Variants in ADK observed in about 807,000 individuals in gnomAD.
ADK encodes N6,N6-dimethyladenosine kinase.
A neutral mutation model predicts 44.7 loss-of-function variants in ADK; 24 were observed. The observed-to-expected ratio is 0.54, with a 90% confidence interval of 0.39 to 0.76. ADK has a LOEUF of 0.76. Ranked by LOEUF, ADK falls within the 30% of genes least tolerant of loss-of-function variation. The pLI is 0.00. For synonymous variants in ADK, 128 were observed against 142.6 expected, an observed-to-expected ratio of 0.90 and a Z score of 0.73; for missense variants, 321 against 425.1, an observed-to-expected ratio of 0.76 and a Z score of 2.15.
chr10:74,366,238 A>G (rs1842494468), intron 4 of ADK, among the ~76,000 whole-genome samples: 1 of 152,168 alleles, frequency 6.6e-6, no homozygotes, highest in Non-Finnish European at 1.5e-5. Context: ...TAGTTAAAAC[A>G]TAGTAAAGTA....
At chr10:74,403,633 A>G (rs989525329) in intron 6 of ADK, among the ~76,000 whole-genome samples, 5 of 152,080 alleles carry the variant, frequency 3.3e-5, no homozygotes, top group African/African-American at 4.8e-5. Flanking sequence ...CTGATTTTCC[A>G]GGTACCGTCT....
intron 4 of ADK, among the ~76,000 whole-genome samples, chr10:74,328,715 C>T (rs1033460681): frequency 6.6e-6 from 1 of 152,194 alleles, no homozygotes; most frequent in Admixed American, 6.5e-5. Flanking sequence ...AAGGTCTTTA[C>T]TTCCCCTTTG....
intron 9 of ADK, among the ~76,000 whole-genome samples, chr10:74,607,316 T>C (rs1852359121): frequency 6.6e-6 from 1 of 152,242 alleles, no homozygotes; most frequent in African/African-American, 2.4e-5. Context: ...ATGTGGTTTC[T>C]TCATAGTCTT....
At chr10:74,489,646 T>C (rs1847400744) in intron 6 of ADK, among the ~76,000 whole-genome samples, 1 of 151,988 alleles carries the variant, frequency 6.6e-6, no homozygotes, top group Non-Finnish European at 1.5e-5. Context: ...AATGCTGCTA[T>C]TATTGTTCCA....
In ADK at chr10:74,297,565, G is replaced by A. The variant is rs939973711; in HGVS notation, c.195-17102G>A. On this transcript the variant is annotated intron_variant, in intron 3 of 10. Coordinates refer to ENST00000539909, the MANE Select transcript of ADK (RefSeq NM_006721.4). Reference sequence around the variant, plus strand: ...TAATTTATTCATATGTTACCATAGGGCGAACTGAGCCCAAGTGAATAAGTG... The same window carrying A: ...TAATTTATTCATATGTTACCATAGGACGAACTGAGCCCAAGTGAATAAGTG... Among the ~76,000 whole-genome samples, 7 of 152,142 alleles carry A rather than the reference G, an allele frequency of 4.6e-5. 1 individual carries two copies. The highest frequency in any genetic ancestry group is 1.7e-4 in the African/African-American group (7 of 41,430).
chr10:74,402,381 C>T (rs1843745711), intron 6 of ADK, among the ~76,000 whole-genome samples: 1 of 152,152 alleles, frequency 6.6e-6, no homozygotes, highest in Non-Finnish European at 1.5e-5. Flanking sequence ...ATATACCAAT[C>T]AGATGTAGAT....
At chr10:74,360,621 A>G (rs531000947) in intron 4 of ADK, among the ~76,000 whole-genome samples, 4 of 152,082 alleles carry the variant, frequency 2.6e-5, no homozygotes, top group African/African-American at 9.6e-5. Flanking sequence ...GGGTACACCA[A>G]TGTTGGGTGC....
At chr10:74,432,975 C>G (rs1037105119) in intron 6 of ADK, among the ~76,000 whole-genome samples, 1 of 152,110 alleles carries the variant, frequency 6.6e-6, no homozygotes, top group Non-Finnish European at 1.5e-5. Flanking sequence ...CCTGAGATTT[C>G]CTTTCATGAA....
intron 7 of ADK, among the ~76,000 whole-genome samples, chr10:74,551,730 A>G (rs1354220390): frequency 6.6e-6 from 1 of 152,124 alleles, no homozygotes; most frequent in East Asian, 1.9e-4. Context: ...TTGAGGCCAT[A>G]TTTGTTCTCA....
intron 9 of ADK, among the ~76,000 whole-genome samples, chr10:74,604,520 C>T (rs1163224385): frequency 6.6e-6 from 1 of 152,082 alleles, no homozygotes; most frequent in African/African-American, 2.4e-5. Flanking sequence ...TCTTTTCCCC[C>T]ATTGCTTGTT....
At chr10:74,567,760 G>A (rs1196694631) in intron 7 of ADK, among the ~76,000 whole-genome samples, 18 of 146,924 alleles carry the variant, frequency 1.2e-4, no homozygotes, top group African/African-American at 4.3e-4. Flanking sequence ...GTGCAGTGGC[G>A]CGATCTCAGC....
chr10:74,429,453 G>C (rs905216034), intron 6 of ADK, among the ~76,000 whole-genome samples: 1 of 152,108 alleles, frequency 6.6e-6, no homozygotes, highest in Non-Finnish European at 1.5e-5. Context: ...TGAAAAAGAT[G>C]GTTAGAATTA....
At chr10:74,402,433 G>A (rs140859623) in intron 6 of ADK, among the ~76,000 whole-genome samples, 4,850 of 151,890 alleles carry the variant, frequency 0.032, 223 homozygotes, top group African/African-American at 0.098. Flanking sequence ...GAGGCTTTGT[G>A]CGTTTCTTTT....
rs573088827 is a variant in ADK at position 74,394,335 on chromosome 10, C to T, written c.446+22C>T. ...ACAGGTCAGTGTAATTCCAAGGGAA[C>T]CACTATACTAATTGGCTATTTTAAC... On this transcript the variant is annotated intron_variant, in intron 5 of 10. Coordinates refer to ENST00000539909, the MANE Select transcript of ADK (RefSeq NM_006721.4). 28 of 1,610,830 alleles carry T rather than the reference C, an allele frequency of 1.7e-5. No homozygotes were observed. The East Asian group carries it at 5.8e-4, about 33-fold the overall frequency.
intron 7 of ADK, among the ~76,000 whole-genome samples, chr10:74,542,726 G>T (rs1849681701): frequency 6.6e-6 from 1 of 151,792 alleles, no homozygotes; most frequent in Admixed American, 6.6e-5. Flanking sequence ...GCACAAATTA[G>T]CAGCTAAATG....
At chr10:74,364,377 C>G (rs554024513) in intron 4 of ADK, among the ~76,000 whole-genome samples, 1 of 152,278 alleles carries the variant, frequency 6.6e-6, no homozygotes, top group Admixed American at 6.5e-5. Flanking sequence ...ACTTCTTTAT[C>G]TCTGATGCAT....
intron 10 of ADK, among the ~76,000 whole-genome samples, chr10:74,686,546 C>T (rs547334249): frequency 8.3e-4 from 126 of 152,284 alleles, no homozygotes; most frequent in African/African-American, 2.8e-3. Flanking sequence ...AACTTCAAAG[C>T]TGCCATAATT....
intron 6 of ADK, among the ~76,000 whole-genome samples, chr10:74,512,968 C>T (rs1341814352): frequency 6.6e-6 from 1 of 151,772 alleles, no homozygotes; most frequent in Non-Finnish European, 1.5e-5. Flanking sequence ...TTCTGTTTTC[C>T]TTTGTGTCAA....
At chr10:74,409,524 C>T (rs1255334660) in intron 6 of ADK, among the ~76,000 whole-genome samples, 1 of 152,102 alleles carries the variant, frequency 6.6e-6, no homozygotes, top group African/African-American at 2.4e-5. Context: ...CTTTAGCACT[C>T]ATGCCTATTT....
Sources: allele counts gnomAD v4.1 joint callset (sites outside exome capture counted in the v4.1 genomes callset), GRCh38; gene constraint gnomAD v4.1.1; transcripts MANE v1.5; gene names NCBI Gene and HGNC (gene_info 2026-07-23, HGNC 2026-07-21).